Variants in UMAD1 observed in about 807,000 individuals in gnomAD.
UMAD1 encodes UBAP1-MVB12-associated (UMA)-domain containing protein 1.
A neutral mutation model predicts 6.1 loss-of-function variants in UMAD1; 8 were observed. That is an observed-to-expected ratio of 1.30 (90% CI 0.76 to 2.35). The LOEUF is 2.35. UMAD1 is among the 30% of genes most tolerant of loss of function. UMAD1 has a pLI of 0.00. For missense variants in UMAD1, 130 were observed against 78.4 expected (o/e 1.66, Z -2.49); for synonymous variants, 56 against 31.4 (o/e 1.78, Z -2.61).
intron 2 of UMAD1, among the ~76,000 whole-genome samples, chr7:7,783,377 GTAGAA>G (rs1271217884): frequency 1.3e-5 from 2 of 151,518 alleles, no homozygotes; most frequent in South Asian, 2.1e-4. Context: ...CCTATCTTTT[GTAGAA>G]TAGAATAGAA....
intron 1 of UMAD1, among the ~76,000 whole-genome samples, chr7:7,642,428 G>A (rs1784995521): frequency 6.6e-6 from 1 of 151,464 alleles, no homozygotes; most frequent in Non-Finnish European, 1.5e-5. Context: ...CAAAGTACTG[G>A]AATTACAGGT....
intron 2 of UMAD1, among the ~76,000 whole-genome samples, chr7:7,768,013 CT>C (rs59622265): frequency 2.8e-4 from 42 of 152,090 alleles, no homozygotes; most frequent in Non-Finnish European, 5.9e-5. Flanking sequence ...TCTATTATGA[CT>C]TTTTTTTCTT....
At chr7:7,641,453 T>G (rs1015946466) in intron 1 of UMAD1, 4 of 152,210 alleles carry the variant, frequency 2.6e-5, no homozygotes, top group African/African-American at 9.7e-5. Context: ...GCGGAATGAT[T>G]TGCAAGGTCC....
chr7:7,676,096 C>T (rs180688725), intron 2 of UMAD1: 112 of 398,668 alleles, frequency 2.8e-4, no homozygotes, highest in Middle Eastern at 1.3e-3. Flanking sequence ...CTTCCTTCTT[C>T]CGCAGAAGCA....
chr7:7,841,367 T>A (rs1583865054), intron 3 of UMAD1, among the ~76,000 whole-genome samples: 1 of 148,984 alleles, frequency 6.7e-6, no homozygotes, highest in East Asian at 2.0e-4. Flanking sequence ...AAGGCTGGAG[T>A]GCAATGGCAC....
At chr7:7,721,103 G>A (rs1228092946) in intron 2 of UMAD1, among the ~76,000 whole-genome samples, 1 of 152,186 alleles carries the variant, frequency 6.6e-6, no homozygotes, top group Non-Finnish European at 1.5e-5. Context: ...GAAACCACCA[G>A]AGCTAGGAAG....
chr7:7,701,751 C>T (rs1432341912), intron 2 of UMAD1, among the ~76,000 whole-genome samples: 2 of 152,136 alleles, frequency 1.3e-5, no homozygotes. Flanking sequence ...TCATTCTATT[C>T]AGGTTTCTGC....
intron 3 of UMAD1, among the ~76,000 whole-genome samples, chr7:7,843,002 C>A (rs1035163477): frequency 6.6e-6 from 1 of 152,176 alleles, no homozygotes; most frequent in African/African-American, 2.4e-5. Context: ...CTTGCCATTT[C>A]TTAAATAATA....
At chr7:7,707,005 T>C (rs1255136664) in intron 2 of UMAD1, among the ~76,000 whole-genome samples, 1 of 152,180 alleles carries the variant, frequency 6.6e-6, no homozygotes, top group Non-Finnish European at 1.5e-5. Context: ...TCAAAACATT[T>C]TTAGTCAGTC....
At chr7:7,653,457 G>A (rs1168153218) in intron 1 of UMAD1, among the ~76,000 whole-genome samples, 3 of 152,106 alleles carry the variant, frequency 2.0e-5, no homozygotes, top group Non-Finnish European at 4.4e-5. Context: ...ATGCTAGTTA[G>A]CATCCTTCTT....
intron 2 of UMAD1, among the ~76,000 whole-genome samples, chr7:7,772,843 A>G (rs1246852939): frequency 1.3e-5 from 2 of 152,204 alleles, no homozygotes; most frequent in African/African-American, 4.8e-5. Flanking sequence ...AGACAGCTGT[A>G]GTGTAATTAA....
intron 2 of UMAD1, among the ~76,000 whole-genome samples, chr7:7,801,383 A>T (rs1006812157): frequency 1.3e-5 from 2 of 152,234 alleles, no homozygotes; most frequent in Admixed American, 1.3e-4. Context: ...TGTTTGAAAT[A>T]TGACTTGATT....
At chr7:7,825,811 A>T (rs1266494011) in intron 3 of UMAD1, among the ~76,000 whole-genome samples, 1 of 152,164 alleles carries the variant, frequency 6.6e-6, no homozygotes, top group East Asian at 1.9e-4. Context: ...GATTGTGCCT[A>T]TAACGTGTAT....
chr7:7,699,397 T>C (rs1321693126), intron 2 of UMAD1, among the ~76,000 whole-genome samples: 1 of 152,220 alleles, frequency 6.6e-6, no homozygotes, highest in East Asian at 1.9e-4. Context: ...CCTTAGAATT[T>C]TGTAAGAATT....
At chr7:7,658,161 G>C (rs1415707247) in intron 1 of UMAD1, among the ~76,000 whole-genome samples, 1 of 152,214 alleles carries the variant, frequency 6.6e-6, no homozygotes, top group African/African-American at 2.4e-5. Flanking sequence ...CATTGATTTT[G>C]TATCCTGAGA....
chr7:7,805,653 C>A (rs1191621569), intron 3 of UMAD1, among the ~76,000 whole-genome samples: 1 of 152,128 alleles, frequency 6.6e-6, no homozygotes, highest in Non-Finnish European at 1.5e-5. Context: ...CATACTCTCT[C>A]TAATCTCATT....
intron 2 of UMAD1, among the ~76,000 whole-genome samples, chr7:7,789,394 A>G (rs1002200283): frequency 6.7e-6 from 1 of 148,340 alleles, no homozygotes; most frequent in Non-Finnish European, 1.5e-5. Flanking sequence ...CAATTGTTAG[A>G]ACAAAACTAA....
intron 2 of UMAD1, among the ~76,000 whole-genome samples, chr7:7,726,273 C>T (rs920169475): frequency 7.2e-5 from 11 of 152,174 alleles, no homozygotes; most frequent in Non-Finnish European, 1.2e-4. Context: ...CATGGAATAC[C>T]TTATCCACCA....
chr7:7,755,385 C>T (rs1051377753), intron 2 of UMAD1, among the ~76,000 whole-genome samples: 19 of 152,166 alleles, frequency 1.2e-4, no homozygotes, highest in African/African-American at 4.6e-4. Context: ...ATCAAGAGCT[C>T]ATTTACAAGA....
Sources: allele counts gnomAD v4.1 joint callset (sites outside exome capture counted in the v4.1 genomes callset), GRCh38; gene constraint gnomAD v4.1.1; transcripts MANE v1.5; gene names NCBI Gene and HGNC (gene_info 2026-07-23, HGNC 2026-07-21).